The following PEBP4 variants were observed in gnomAD, a reference collection of about 807,000 sequenced individuals.
PEBP4 encodes the protein phosphatidylethanolamine binding protein 4.
A neutral mutation model predicts 23.9 loss-of-function variants in PEBP4; 22 were observed. The observed-to-expected ratio is 0.92, with a 90% CI of 0.66 to 1.31. The LOEUF (loss-of-function observed/expected upper bound fraction) is 1.31, where lower values mean the gene tolerates loss of function less well. PEBP4 is among the 40% of genes most tolerant of loss of function. PEBP4 has a pLI of 0.00. For missense variants in PEBP4, 324 were observed against 281.7 expected (o/e 1.15, Z -1.07); for synonymous variants, 112 against 99.3 (o/e 1.13, Z -0.76).
intron 4 of PEBP4, among the ~76,000 whole-genome samples, chr8:22,791,572 G>A (rs1585274393): frequency 1.3e-5 from 2 of 151,672 alleles, no homozygotes; most frequent in Admixed American, 6.6e-5. Flanking sequence ...TTGTGTGTGC[G>A]CGCACACGCA....
chr8:22,768,617 G>A (rs1015026651), intron 4 of PEBP4, among the ~76,000 whole-genome samples: 12 of 152,106 alleles, frequency 7.9e-5, no homozygotes, highest in Non-Finnish European at 1.3e-4. Flanking sequence ...ACGCAGCCTC[G>A]GGTGGGGCCT....
At chr8:22,803,256 C>A (rs928083742) in intron 4 of PEBP4, among the ~76,000 whole-genome samples, 1 of 152,110 alleles carries the variant, frequency 6.6e-6, no homozygotes, top group African/African-American at 2.4e-5. Flanking sequence ...ACACTCGGCC[C>A]CTGAAGACAC....
chr8:22,722,770 AT>A (rs1554478099), intron 6 of PEBP4, among the ~76,000 whole-genome samples: 55,620 of 145,810 alleles, frequency 0.38, 10,937 homozygotes, highest in African/African-American at 0.52. Context: ...TGGGAGGGCC[AT>A]TTTTTTTTTT....
chr8:22,850,002 AAG>A (rs1807518067), intron 3 of PEBP4, among the ~76,000 whole-genome samples: 1 of 152,054 alleles, frequency 6.6e-6, no homozygotes, highest in Non-Finnish European at 1.5e-5. Context: ...GTGGGCACAG[AAG>A]AGCTTGTGTA....
intron 2 of PEBP4, among the ~76,000 whole-genome samples, chr8:22,925,591 A>C (rs892202610): frequency 2.6e-5 from 4 of 152,176 alleles, no homozygotes; most frequent in African/African-American, 9.7e-5. Context: ...GGGACTTCCC[A>C]CGTGTGTCCC....
chr8:22,797,263 A>G (rs1806281182), intron 4 of PEBP4, among the ~76,000 whole-genome samples: 1 of 151,702 alleles, frequency 6.6e-6, no homozygotes, highest in Admixed American at 6.6e-5. Context: ...CAAAAAAAAA[A>G]AAAAAAAAAG....
chr8:22,922,290 G>A (rs1262171189), intron 2 of PEBP4, among the ~76,000 whole-genome samples: 1 of 152,132 alleles, frequency 6.6e-6, no homozygotes, highest in African/African-American at 2.4e-5. Context: ...GAAGGACACG[G>A]AGACAAATTT....
At chr8:22,830,065 T>C (rs1807050212) in intron 3 of PEBP4, among the ~76,000 whole-genome samples, 1 of 152,062 alleles carries the variant, frequency 6.6e-6, no homozygotes, top group South Asian at 2.1e-4. Context: ...ATCCTATTCT[T>C]CTTCCTCAAG....
At chr8:22,902,705 C>T (rs1241727276) in intron 3 of PEBP4, among the ~76,000 whole-genome samples, 1 of 152,212 alleles carries the variant, frequency 6.6e-6, no homozygotes, top group Non-Finnish European at 1.5e-5. Context: ...GGGTCAGAAA[C>T]AGCTTCTGCC....
intron 4 of PEBP4, among the ~76,000 whole-genome samples, chr8:22,810,123 T>C (rs1351099214): frequency 6.6e-6 from 1 of 152,244 alleles, no homozygotes; most frequent in African/African-American, 2.4e-5. Flanking sequence ...AGATCTCTTC[T>C]GTTTTCCAAC....
intron 3 of PEBP4, among the ~76,000 whole-genome samples, chr8:22,919,350 A>G (rs997375584): frequency 2.6e-5 from 4 of 152,178 alleles, no homozygotes; most frequent in East Asian, 1.9e-4. Context: ...AGTCCTGCCT[A>G]GATTGACAGC....
intron 4 of PEBP4, among the ~76,000 whole-genome samples, chr8:22,799,037 C>A (rs1279313299): frequency 1.3e-5 from 2 of 152,118 alleles, no homozygotes; most frequent in Non-Finnish European, 2.9e-5. Flanking sequence ...CGTGCCTGGC[C>A]ATATCTATGA....
intron 3 of PEBP4, among the ~76,000 whole-genome samples, chr8:22,873,441 T>C (rs1161484366): frequency 1.3e-5 from 2 of 151,430 alleles, no homozygotes; most frequent in African/African-American, 4.9e-5. Context: ...CTGGGCAACA[T>C]ACTGAGATAC....
rs562926139 is a variant in PEBP4, at chr8:22,790,191, T to C, written c.357+27446A>G. On this transcript the variant is annotated intron_variant, in intron 4 of 6. Transcript: ENST00000256404. ...TTCAACCATTGCATGGGCTGTTTGA[T>C]GATTCTTTCCTTCCTTCCTTCCTTC... 2.6e-5 allele frequency among the ~76,000 whole-genome samples: 4 copies of C among 152,374 alleles called. No individual in the cohort carries two copies. In the East Asian group the frequency reaches 7.7e-4, roughly 29 times the overall value.
chr8:22,743,554 G>A (rs534645455), intron 4 of PEBP4, among the ~76,000 whole-genome samples: 1 of 152,220 alleles, frequency 6.6e-6, no homozygotes, highest in Non-Finnish European at 1.5e-5. Flanking sequence ...GGGCTAAATG[G>A]TTCCTGAGCC....
At chr8:22,827,251 T>C (rs1016938118) in intron 3 of PEBP4, among the ~76,000 whole-genome samples, 1 of 152,232 alleles carries the variant, frequency 6.6e-6, no homozygotes, top group African/African-American at 2.4e-5. Flanking sequence ...AGTTTACATA[T>C]AATAAACTTC....
chr8:22,729,740 C>A (rs1341413499), intron 4 of PEBP4, among the ~76,000 whole-genome samples: 3 of 152,330 alleles, frequency 2.0e-5, no homozygotes, highest in Admixed American at 6.5e-5. Context: ...TGGAGCTGAT[C>A]CCACGGACAG....
intron 3 of PEBP4, among the ~76,000 whole-genome samples, chr8:22,914,742 C>G (rs766474823): frequency 6.6e-6 from 1 of 152,228 alleles, no homozygotes; most frequent in Admixed American, 6.5e-5. Context: ...AGACCTGCCT[C>G]TCGGGCAGCT....
upstream of PEBP4, among the ~76,000 whole-genome samples, chr8:22,928,702 A>C (rs1315343431): frequency 1.3e-4 from 20 of 152,070 alleles, no homozygotes; most frequent in Admixed American, 1.3e-3. Context: ...CGTGCCAGCA[A>C]CTCAGGACTC....
Sources: allele counts gnomAD v4.1 joint callset (sites outside exome capture counted in the v4.1 genomes callset), GRCh38; gene constraint gnomAD v4.1.1; transcripts MANE v1.5; gene names NCBI Gene and HGNC (gene_info 2026-07-23, HGNC 2026-07-21).